TG: variants seen among roughly 807,000 people sequenced by gnomAD.
TG encodes the protein thyroglobulin.
In TG, 270 loss-of-function variants were observed where a neutral mutation model predicts 324.7. The ratio of observed to expected loss-of-function variants is 0.83; its 90% CI spans 0.75 to 0.92. The LOEUF is 0.92. Among genes scored for constraint, TG ranks in the 40% least tolerant of loss-of-function variants. TG has a pLI of 0.00. For missense variants in TG, 3,591 were observed against 3,456.4 expected, an observed-to-expected ratio of 1.04 and a Z score of -0.98; for synonymous variants, 1,401 against 1,327.0, an observed-to-expected ratio of 1.06 and a Z score of -1.21.
chr8:132,972,569 G>GGT, intron 33 of TG, 29 bp from the exon 34 acceptor site: 4 of 1,457,944 alleles, frequency 2.7e-6, no homozygotes, highest in Non-Finnish European at 3.8e-6. Context: ...CCTGATTGTG[G>GGT]TTTTTTGTTT....
intron 5 of TG, among the ~76,000 whole-genome samples, chr8:132,880,599 C>G (rs767213702): frequency 6.6e-6 from 1 of 152,176 alleles, no homozygotes; most frequent in Non-Finnish European, 1.5e-5. Flanking sequence ...CATCCATAAT[C>G]CTATAGTGCA....
Position 132,887,759 on chromosome 8 carries a change from G to T in TG, c.2176+211G>T, listed in dbSNP as rs147952212. The stretch of plus-strand genomic sequence containing the variant: ...ATGGGGAGATTTGTCTGGCCTTAAA[G>T]AACTGCCACATTTCTGCAGTGCTGA... On this transcript the variant is annotated intron_variant, in intron 9 of 47. Coordinates refer to ENST00000220616, the MANE Select transcript of TG (RefSeq NM_003235.5). 1.6e-3 allele frequency among the ~76,000 whole-genome samples: 250 copies of T among 152,250 alleles called. 2 individuals carry two copies. Among genetic ancestry groups the T allele is most frequent in the African/African-American group, 5.6e-3 (231 of 41,530 alleles).
chr8:133,095,753 G>T (rs1265587515), intron 42 of TG, among the ~76,000 whole-genome samples: 1 of 152,218 alleles, frequency 6.6e-6, no homozygotes, highest in African/African-American at 2.4e-5. Flanking sequence ...AATTGTCATG[G>T]CAATTGATGG....
chr8:132,984,412 T>C (rs1258274588), intron 35 of TG, among the ~76,000 whole-genome samples: 2 of 152,204 alleles, frequency 1.3e-5, no homozygotes, highest in African/African-American at 4.8e-5. Context: ...ATAGAAACTG[T>C]GTATGCTAAG....
At chr8:132,898,752 T>A (rs1449408230) in intron 13 of TG, 46 bp from the exon 14 acceptor site, 11 of 1,576,030 alleles carry the variant, frequency 7.0e-6, no homozygotes. Flanking sequence ...CCTCTTTCTC[T>A]TGGCTCCCAC....
At position 132,960,975 on chromosome 8, in the gene TG, C is replaced by G. The variant is rs370676697; in HGVS notation, c.5402-33C>G. 8 of 1,608,768 alleles carry G rather than the reference C, an allele frequency of 5.0e-6. No individual in the cohort carries two copies. The African/African-American group carries it at 5.3e-5, about 11-fold the overall frequency. Reference sequence around the variant, plus strand: ...GGTGGGTACCCAGTGACAGCACACTCAAGCTCATAAAAATAAACATCTTCC... The same window carrying G: ...GGTGGGTACCCAGTGACAGCACACTGAAGCTCATAAAAATAAACATCTTCC... On this transcript the variant is annotated intron_variant, in intron 27 of 47. Coordinates refer to ENST00000220616, the MANE Select transcript of TG (RefSeq NM_003235.5).
chr8:133,106,131 G>C (rs1588113960), intron 43 of TG, among the ~76,000 whole-genome samples: 1 of 152,172 alleles, frequency 6.6e-6, no homozygotes, highest in South Asian at 2.1e-4. Flanking sequence ...AGAGCCAGTG[G>C]GGGGGTTTGC....
intron 8 of TG, among the ~76,000 whole-genome samples, chr8:132,884,878 G>T (rs1488118255): frequency 6.6e-6 from 1 of 152,238 alleles, no homozygotes. Flanking sequence ...GATGGAAAGA[G>T]AAAGGGTAAG....
At chr8:133,070,012 AAAAAAAAAAAAAAAG>A (rs1310205249) in intron 41 of TG, among the ~76,000 whole-genome samples, 3 of 118,516 alleles carry the variant, frequency 2.5e-5, no homozygotes, top group Non-Finnish European at 3.8e-5. Flanking sequence ...AAAAAAAAAA[AAAAAAAAAAAAAAAG>A]AAAGAAAGAA....
chr8:133,001,991 T>C (rs1325299755), intron 35 of TG: 3 of 985,488 alleles, frequency 3.0e-6, no homozygotes, highest in Non-Finnish European at 2.4e-6. Flanking sequence ...TCCTGAAGAC[T>C]TTTGGATGCC....
At chr8:132,926,668 AG>A (rs1415321943) in intron 22 of TG, among the ~76,000 whole-genome samples, 4 of 152,204 alleles carry the variant, frequency 2.6e-5, no homozygotes, top group Non-Finnish European at 5.9e-5. Context: ...ACAAGCCCTG[AG>A]ACTTAGGAAA....
In TG at chr8:132,871,467, G is replaced by T; in HGVS notation, c.394G>T (p.Asp132Tyr). 1 of 1,614,222 alleles carries T rather than the reference G, an allele frequency of 6.2e-7. No individual in the cohort carries two copies. Among genetic ancestry groups the T allele is most frequent in the African/African-American group, 1.3e-5 (1 of 75,052 alleles). The change falls in exon 4 of 48, where the codon GAT becomes TAT. Residue 132 changes from aspartate to tyrosine, a missense_variant. Transcript: ENST00000220616. ...DSGDYAPVQC[D>Y]VQQVQCWCVD... ...AGGGGACTACGCGCCTGTTCAGTGT[G>T]ATGTGCAGCAGGTCCAGTGCTGGTG...
intron 37 of TG, among the ~76,000 whole-genome samples, chr8:133,016,102 A>G (rs1354052381): frequency 2.0e-5 from 3 of 152,094 alleles, no homozygotes; most frequent in Non-Finnish European, 2.9e-5. Context: ...TATTGTTCCC[A>G]TTTCATAGGC....
At chr8:133,076,384 C>T (rs1164405511) in intron 41 of TG, among the ~76,000 whole-genome samples, 2 of 152,224 alleles carry the variant, frequency 1.3e-5, no homozygotes, top group African/African-American at 4.8e-5. Flanking sequence ...ACCCTCAGGG[C>T]TGCTTCTAAA....
chr8:133,050,516 C>T (rs1298294831), intron 41 of TG: 1 of 318,828 alleles, frequency 3.1e-6, no homozygotes. Context: ...TACATAACAT[C>T]AACACTGCAC....
chr8:132,959,024 A>G (rs1421417380), intron 27 of TG, among the ~76,000 whole-genome samples: 1 of 152,248 alleles, frequency 6.6e-6, no homozygotes, highest in Non-Finnish European at 1.5e-5. Context: ...AAAGAAGGCT[A>G]TGACAGAATT....
rs768677187 is a variant in TG at position 132,941,593 on chromosome 8, G to A, written c.5233+51G>A. On this transcript the variant is annotated intron_variant, in intron 26 of 47. Coordinates refer to ENST00000220616, the MANE Select transcript of TG (RefSeq NM_003235.5). ...CCTAACAAGGGATGGGGAGCACACA[G>A]GGATGCAGAAGCCAGGACACACAAC... The A allele has an allele frequency of 5.6e-6, 9 of 1,609,430 alleles. No individual in the cohort carries two copies. The Admixed American group carries it at 1.0e-4, about 18-fold the overall frequency.
At chr8:133,002,653 C>A in intron 35 of TG, 1 of 215,634 alleles carries the variant, frequency 4.6e-6, no homozygotes, top group Non-Finnish European at 9.5e-6. Context: ...CTGGCCTTTC[C>A]CACTGGTTCT....
At chr8:132,992,389 A>G (rs963069689) in intron 35 of TG, among the ~76,000 whole-genome samples, 8 of 152,204 alleles carry the variant, frequency 5.3e-5, no homozygotes, top group Admixed American at 2.0e-4. Context: ...TGTGGCTTCA[A>G]TGTGCTCCAT....
Sources: gnomAD v4.1 joint callset for allele counts (sites outside exome capture counted in the v4.1 genomes callset) on GRCh38, gnomAD v4.1.1 for gene constraint, MANE v1.5 for transcripts, NCBI Gene and HGNC (gene_info 2026-07-23, HGNC 2026-07-21) for gene names.